The following AGGF1 variants were observed in gnomAD, a reference collection of about 807,000 sequenced individuals.
AGGF1 encodes angiogenic factor with G patch and FHA domains 1.
AGGF1 carries 56 observed loss-of-function variants against 86.5 expected under a neutral mutation model. The observed-to-expected ratio is 0.65, with a 90% CI of 0.52 to 0.81. The LOEUF is 0.81. AGGF1 is among the 30% of genes least tolerant of loss of function. AGGF1 has a pLI of 0.00. For synonymous variants in AGGF1, 313 were observed against 297.1 expected (o/e 1.05, Z -0.55); for missense variants, 816 against 850.9 (o/e 0.96, Z 0.51).
At chr5:77,047,273 A>C (rs1160857479) in intron 6 of AGGF1, among the ~76,000 whole-genome samples, 1 of 152,196 alleles carries the variant, frequency 6.6e-6, no homozygotes, top group East Asian at 1.9e-4. Flanking sequence ...TGTCCCCTAA[A>C]TATGGTGTAC....
chr5:77,031,869 A>T (rs1450307936), intron 1 of AGGF1, among the ~76,000 whole-genome samples: 2 of 152,204 alleles, frequency 1.3e-5, no homozygotes, highest in Middle Eastern at 3.4e-3. Flanking sequence ...GTGCCACTGC[A>T]CTCCAGCCAG....
chr5:77,046,850 G>T (rs902985707), intron 6 of AGGF1, among the ~76,000 whole-genome samples, 173 bp downstream of exon 6: 1 of 152,218 alleles, frequency 6.6e-6, no homozygotes, highest in African/African-American at 2.4e-5. Flanking sequence ...AGAGTAGGAT[G>T]TGAATAAATG....
chr5:77,054,191 TA>T, intron 10 of AGGF1, 61 bp downstream of exon 10: 1 of 1,596,988 alleles, frequency 6.3e-7, no homozygotes. Flanking sequence ...CTAAATGTTC[TA>T]AAAAACATCA....
intron 4 of AGGF1, 58 bp downstream of exon 4, chr5:77,036,778 C>T: frequency 1.9e-6 from 3 of 1,586,882 alleles, no homozygotes; most frequent in Non-Finnish European, 2.6e-6. Context: ...CCCTCTGTCA[C>T]CCCGGCTGGA....
intron 1 of AGGF1, among the ~76,000 whole-genome samples, chr5:77,032,441 C>T (rs1746884205): frequency 6.6e-6 from 1 of 151,160 alleles, no homozygotes; most frequent in South Asian, 2.1e-4. Flanking sequence ...TGGTGGCGGG[C>T]GCCTGTAGTC....
intron 13 of AGGF1, among the ~76,000 whole-genome samples, chr5:77,062,022 T>C (rs1397815231): frequency 6.6e-6 from 1 of 152,224 alleles, no homozygotes; most frequent in Non-Finnish European, 1.5e-5. Context: ...TTTCCCTACA[T>C]TAAAGCTAGG....
chr5:77,061,905 A>G (rs1375407634), intron 13 of AGGF1, 103 bp downstream of exon 13: 11 of 1,046,110 alleles, frequency 1.1e-5, no homozygotes, highest in Non-Finnish European at 1.6e-5. Flanking sequence ...TATAGTAGAA[A>G]GCAAAAGGAG....
intron 5 of AGGF1, among the ~76,000 whole-genome samples, chr5:77,043,610 G>A (rs1226092417): frequency 2.3e-5 from 3 of 127,854 alleles, no homozygotes; most frequent in African/African-American, 8.7e-5. Flanking sequence ...CGGATGGCAC[G>A]GCTGGCCGGG....
At chr5:77,037,292 G>A (rs6453272) in intron 4 of AGGF1, among the ~76,000 whole-genome samples, 119,364 of 152,132 alleles carry the variant, frequency 0.78, 47,159 homozygotes, top group Non-Finnish European at 0.83. Context: ...ACCTAAACCA[G>A]TATTTTTTTC....
At position 77,064,852 on chromosome 5, in the gene AGGF1, T is replaced by A. The variant is rs1010819822; in HGVS notation, c.*1600T>A. ...TGGTCATTGGGTTAGTATATGACTG[T>A]CTATAATATTTTCCATTTGTATTAT... On this transcript the variant is annotated 3_prime_UTR_variant, in exon 14 of 14. Coordinates refer to ENST00000312916, the MANE Select transcript of AGGF1 (RefSeq NM_018046.5). The A allele has an allele frequency of 6.6e-6, 1 of 152,244 alleles. No homozygotes were observed. Among genetic ancestry groups the A allele is most frequent in the Non-Finnish European group, 1.5e-5 (1 of 68,036 alleles). The allele number at this position is 152,244 out of a possible 1,614,324, so 9.4% of individuals were successfully genotyped here.
chr5:77,035,580 C>T lies in AGGF1; in HGVS notation c.353C>T (p.Pro118Leu), dbSNP rs1746951392. The T allele has an allele frequency of 4.3e-6, 7 of 1,613,238 alleles. No homozygotes were observed. In the East Asian group the frequency reaches 1.3e-4, roughly 31 times the overall value. ...YQTYYNDVSLPNKVTELSDQQ... is the reference protein window; with the variant it reads ...YQTYYNDVSLLNKVTELSDQQ... ...ACGTACTACAATGACGTTAGTCTTCCAAATAAAGTGACTGAACTGTCAGAT... is the reference window on the plus strand; with the variant it reads ...ACGTACTACAATGACGTTAGTCTTCTAAATAAAGTGACTGAACTGTCAGAT... The change falls in exon 3 of 14, where the codon CCA becomes CTA. Residue 118 changes from proline (P) to leucine (L), a missense_variant. By Grantham distance (98) the Pro-to-Leu change is moderately conservative. Transcript: ENST00000312916.
At chr5:77,033,617 C>G (rs1746911372) in intron 1 of AGGF1, among the ~76,000 whole-genome samples, 1 of 152,214 alleles carries the variant, frequency 6.6e-6, no homozygotes, top group East Asian at 1.9e-4. Context: ...CACTGTAGTT[C>G]CTGCCCTAGT....
intron 5 of AGGF1, among the ~76,000 whole-genome samples, chr5:77,045,478 G>A (rs186765166): frequency 3.4e-4 from 51 of 152,108 alleles, no homozygotes; most frequent in African/African-American, 8.7e-4. Context: ...TTTATTATAA[G>A]GCATATCAAC....
intron 2 of AGGF1, 116 bp downstream of exon 2, chr5:77,034,636 T>G: frequency 1.3e-6 from 1 of 757,790 alleles, no homozygotes; most frequent in South Asian, 1.5e-5. Context: ...TTGTTAATAC[T>G]GTTGACGTCT....
At position 77,030,539 on chromosome 5, in the gene AGGF1, G is replaced by T. The variant is rs144102562; in HGVS notation, c.-228G>T. The T allele has an allele frequency of 5.6e-3, 3,887 of 693,906 alleles. 23 individuals carry two copies. Among genetic ancestry groups the T allele is most frequent in the African/African-American group, 0.01 (577 of 56,992 alleles). The allele number at this position is 693,906 out of a possible 1,614,324, so 43.0% of individuals were successfully genotyped here. ...TCCAGGAAAGTTTTCCGGTTTGCAG[G>T]CCGCGCACATCGGGCAGGGGCCATC... On this transcript the variant is annotated 5_prime_UTR_variant, in exon 1 of 14. Coordinates refer to ENST00000312916, the MANE Select transcript of AGGF1 (RefSeq NM_018046.5).
At chr5:77,055,794 T>A (rs1351535084) in intron 11 of AGGF1, among the ~76,000 whole-genome samples, 198 bp downstream of exon 11, 2 of 152,224 alleles carry the variant, frequency 1.3e-5, no homozygotes, top group Non-Finnish European at 2.9e-5. Context: ...TAGCCTACAT[T>A]TGAATATACA....
chr5:77,031,089 T>A (rs1746841799), intron 1 of AGGF1, 113 bp downstream of exon 1: 2 of 1,122,822 alleles, frequency 1.8e-6, no homozygotes, highest in African/African-American at 3.1e-5. Flanking sequence ...GTAGAGTACT[T>A]AAAGTAAATA....
At chr5:77,045,474 A>G (rs1168199428) in intron 5 of AGGF1, among the ~76,000 whole-genome samples, 2 of 152,230 alleles carry the variant, frequency 1.3e-5, no homozygotes, top group Non-Finnish European at 2.9e-5. Context: ...TTCATTTATT[A>G]TAAGGCATAT....
At chr5:77,040,009 G>T (rs1747041072) in intron 5 of AGGF1, among the ~76,000 whole-genome samples, 1 of 151,960 alleles carries the variant, frequency 6.6e-6, no homozygotes, top group Non-Finnish European at 1.5e-5. Context: ...TGATGTCAAT[G>T]CACAGTTCAT....
Sources: allele counts gnomAD v4.1 joint callset (sites outside exome capture counted in the v4.1 genomes callset), GRCh38; gene constraint gnomAD v4.1.1; transcripts MANE v1.5; gene names NCBI Gene and HGNC (gene_info 2026-07-23, HGNC 2026-07-21).